SVIL: variants seen among roughly 807,000 people sequenced by gnomAD.
The protein encoded by SVIL is supervillin.
In SVIL, 101 loss-of-function variants were observed where a neutral mutation model predicts 240.4. The observed-to-expected ratio is 0.42, with a 90% CI of 0.36 to 0.50. SVIL has a LOEUF of 0.50. SVIL is among the 20% of genes least tolerant of loss of function. The probability of loss-of-function intolerance (pLI) is 0.01; values close to 1 mark genes in which losing one functional copy is unlikely to be tolerated. For synonymous variants in SVIL, 999 were observed against 1,100.0 expected (o/e 0.91, Z 1.82); for missense variants, 2,512 against 2,818.7 (o/e 0.89, Z 2.46).
chr10:29,692,222 T>C (rs1211140781), intron 1 of SVIL, among the ~76,000 whole-genome samples: 11 of 152,176 alleles, frequency 7.2e-5, no homozygotes, highest in Non-Finnish European at 1.6e-4. Flanking sequence ...AACTGCCTTT[T>C]AAAGGAAATG....
At chr10:29,616,920 G>A (rs1012717457) in intron 1 of SVIL, among the ~76,000 whole-genome samples, 22 of 151,982 alleles carry the variant, frequency 1.4e-4, no homozygotes, top group Non-Finnish European at 7.4e-5. Flanking sequence ...ACAGGGTTTC[G>A]CCATGTTGGC....
intron 2 of SVIL, among the ~76,000 whole-genome samples, chr10:29,683,709 C>A (rs558533178): frequency 1.2e-4 from 19 of 152,290 alleles, no homozygotes; most frequent in Admixed American, 1.1e-3. Flanking sequence ...CTCCCTCGGG[C>A]AGATTTTCAT....
intron 33 of SVIL, among the ~76,000 whole-genome samples, chr10:29,466,404 G>A (rs763115027): frequency 3.3e-5 from 5 of 152,140 alleles, no homozygotes; most frequent in Non-Finnish European, 7.3e-5. Context: ...TTATGATTGT[G>A]CTGAGAAATG....
intron 2 of SVIL, among the ~76,000 whole-genome samples, chr10:29,672,517 G>T (rs1959859486): frequency 6.6e-6 from 1 of 152,194 alleles, no homozygotes; most frequent in Non-Finnish European, 1.5e-5. Context: ...ACTCTGGGTG[G>T]CTTTGCAAAG....
intron 6 of SVIL, among the ~76,000 whole-genome samples, chr10:29,543,273 C>T (rs1262672848): frequency 1.3e-5 from 2 of 152,140 alleles, no homozygotes; most frequent in African/African-American, 4.8e-5. Flanking sequence ...GAAAGCAGGG[C>T]AGATGGGAAG....
intron 13 of SVIL, among the ~76,000 whole-genome samples, chr10:29,526,049 C>T (rs993567009): frequency 1.3e-5 from 2 of 152,162 alleles, no homozygotes; most frequent in East Asian, 3.9e-4. Flanking sequence ...AGGGATATGA[C>T]CTGATGTGAG....
intron 34 of SVIL, 88 bp downstream of exon 34, chr10:29,465,507 T>G: frequency 2.0e-6 from 3 of 1,486,160 alleles, no homozygotes; most frequent in Non-Finnish European, 2.7e-6. Flanking sequence ...AAACAGAAGC[T>G]GCTTAATAAA....
intron 1 of SVIL, among the ~76,000 whole-genome samples, chr10:29,593,588 C>T (rs1265183718): frequency 1.3e-5 from 2 of 152,190 alleles, no homozygotes; most frequent in Non-Finnish European, 2.9e-5. Context: ...CTCTCTGCCT[C>T]CCGGCCTCCT....
chr10:29,619,550 C>T (rs1957550858), intron 1 of SVIL, among the ~76,000 whole-genome samples: 1 of 152,174 alleles, frequency 6.6e-6, no homozygotes, highest in South Asian at 2.1e-4. Context: ...ACTCACAGCC[C>T]TGCTTTCCAA....
intron 6 of SVIL, among the ~76,000 whole-genome samples, chr10:29,538,321 G>A (rs1951882073): frequency 6.6e-6 from 1 of 152,140 alleles, no homozygotes; most frequent in Admixed American, 6.5e-5. Flanking sequence ...CAGACACAGG[G>A]GACTTACTGG....
chr10:29,460,229 A>G (rs190721967), intron 36 of SVIL, among the ~76,000 whole-genome samples: 54 of 152,318 alleles, frequency 3.5e-4, no homozygotes, highest in African/African-American at 1.2e-3. Context: ...GGGAATAATA[A>G]TAAGATATCT....
chr10:29,642,383 C>T lies in SVIL; in HGVS notation c.-201+15586G>A, dbSNP rs182717506. Among the ~76,000 whole-genome samples the T allele has an allele frequency of 1.7e-3, 258 of 150,216 alleles. 2 individuals carry two copies. The highest frequency in any genetic ancestry group is 0.011 in the Admixed American group (167 of 14,990). On this transcript the variant is annotated intron_variant, in intron 3 of 35. Transcript: ENST00000375400. ...CTCCAGCCTAGACAACAGAGTGAGA[C>T]TCTGCCTCAAAAACAGAAAGAAAGA...
At chr10:29,725,028 CA>C (rs1187861054) in intron 1 of SVIL, among the ~76,000 whole-genome samples, 1,687 of 40,858 alleles carry the variant, frequency 0.041, 7 homozygotes, top group African/African-American at 0.13. Flanking sequence ...GACCCGGTCT[CA>C]AAAAAAAAAA....
chr10:29,475,974 G>C (rs1454151018), intron 29 of SVIL, among the ~76,000 whole-genome samples: 1 of 152,136 alleles, frequency 6.6e-6, no homozygotes, highest in Non-Finnish European at 1.5e-5. Context: ...TGTAACATAG[G>C]TTTCGTAAAT....
Position 29,568,819 on chromosome 10 carries a change from A to ATG in SVIL, c.-143+434_-143+435dup, listed in dbSNP as rs34450558. Among the ~76,000 whole-genome samples, 243 of 147,150 alleles carry ATG rather than the reference A, an allele frequency of 1.7e-3. 4 individuals carry two copies. The East Asian group carries it at 0.042, about 26-fold the overall frequency. On this transcript the variant is annotated intron_variant, in intron 2 of 37. Transcript: ENST00000355867. ...GATGGATGGATGGATGGATGGATGG[A>ATG]TGTGTGTGTGTGTGTGTTTGTGTAT...
At chr10:29,592,431 A>G (rs1956427185) in intron 1 of SVIL, among the ~76,000 whole-genome samples, 1 of 152,208 alleles carries the variant, frequency 6.6e-6, no homozygotes, top group African/African-American at 2.4e-5. Context: ...GAAGCACACA[A>G]TTTCACAAAA....
At chr10:29,710,965 G>A (rs191316873) in intron 1 of SVIL, among the ~76,000 whole-genome samples, 9 of 152,300 alleles carry the variant, frequency 5.9e-5, no homozygotes, top group Non-Finnish European at 1.0e-4. Context: ...AGTGGAATCC[G>A]CAAAGAATGT....
At position 29,493,286 on chromosome 10, in the gene SVIL, T is replaced by C; in HGVS notation, c.3947A>G (p.Asp1316Gly). 6.2e-7 allele frequency: 1 copy of C among 1,614,114 alleles called. No homozygotes were observed. The highest frequency in any genetic ancestry group is 8.5e-7 in the Non-Finnish European group (1 of 1,180,024). The part of the protein sequence containing the change: ...ETFAKFYRSV[D>G]YNMPRSPVEM... ...CACAGGACTTCTTGGCATATTATAATCCACGCTGCGGTAAAATTTGGCAAA... is the reference window on the plus strand; with the variant it reads ...CACAGGACTTCTTGGCATATTATAACCCACGCTGCGGTAAAATTTGGCAAA... Residue 1316 changes from aspartate to glycine, a missense_variant, in exon 21 of 38, where the codon GAT (aspartate) becomes GGT (glycine). Asp to Gly is a moderately conservative substitution (Grantham distance 94). Transcript: ENST00000355867.
chr10:29,483,020 T>C (rs1380438688), intron 27 of SVIL: 2 of 152,218 alleles, frequency 1.3e-5, no homozygotes, highest in Non-Finnish European at 2.9e-5. Flanking sequence ...GGATAAATCA[T>C]AGAGCACAGA....
Sources: gnomAD v4.1 joint callset for allele counts (sites outside exome capture counted in the v4.1 genomes callset) on GRCh38, gnomAD v4.1.1 for gene constraint, MANE v1.5 for transcripts, NCBI Gene and HGNC (gene_info 2026-07-23, HGNC 2026-07-21) for gene names.